Variants in TMEM179 observed in about 807,000 individuals in gnomAD.
TMEM179 encodes transmembrane protein 179.
TMEM179 carries 17 observed loss-of-function variants against 22.2 expected under a neutral mutation model. The ratio of observed to expected loss-of-function variants is 0.77; its 90% CI spans 0.52 to 1.15. The LOEUF is 1.15. Among genes scored for constraint, TMEM179 ranks in the 50% most tolerant of loss-of-function variants. The pLI, the probability that TMEM179 is intolerant of heterozygous loss-of-function variation, is 0.00. For missense variants in TMEM179, 265 were observed against 313.6 expected, an observed-to-expected ratio of 0.84 and a Z score of 1.17; for synonymous variants, 127 against 140.5, an observed-to-expected ratio of 0.90 and a Z score of 0.68.
At chr14:104,603,543 C>CACAGAGGGAGTGGGTGGGT (rs1566747209) in intron 1 of TMEM179, among the ~76,000 whole-genome samples, 22 of 103,646 alleles carry the variant, frequency 2.1e-4, no homozygotes, top group East Asian at 1.9e-3. Flanking sequence ...AGTGGGTGGG[C>CACAGAGGGAGTGGGTGGGT]TCACAGAGGG....
rs1249191625 is a variant in TMEM179, at chr14:104,591,004, A to G, written c.*2475T>C. On this transcript the variant is annotated 3_prime_UTR_variant, in exon 4 of 4. Transcript: ENST00000556573. ...CTCAGGAACCCCGGGTCATGCCTGC[A>G]CTTCCCACCTTCCTGCCTGGGGAGA... The G allele has an allele frequency of 5.0e-6, 1 of 200,420 alleles. No individual in the cohort carries two copies. The highest frequency in any genetic ancestry group is 1.0e-5 in the Non-Finnish European group (1 of 96,882). 12.4% of individuals were successfully genotyped at this position (200,420 alleles called of 1,614,324 possible).
chr14:104,604,597 T>C lies in TMEM179; in HGVS notation c.145A>G (p.Ser49Gly), dbSNP rs2140503067. Reference sequence around the variant, plus strand: ...CGCTCCTGCACCGTGAGGTTGGCGCTCAGCCACATGCCCTCGGTGAAGAGC... The same window carrying C: ...CGCTCCTGCACCGTGAGGTTGGCGCCCAGCCACATGCCCTCGGTGAAGAGC... ...CLLFTEGMWL[S>G]ANLTVQERER... The change falls in exon 1 of 4, where the codon AGC (serine) becomes GGC (glycine). Residue 49 changes from serine (S) to glycine (G), a missense_variant. Ser to Gly is a moderately conservative substitution (Grantham distance 56, BLOSUM62 0). Transcript: ENST00000556573. The surrounding 1 kb of genome is among the most constrained non-coding windows in gnomAD (Gnocchi z 4.6). 6.4e-7 allele frequency: 1 copy of C among 1,554,606 alleles called. No individual in the cohort carries two copies.
Position 104,591,673 on chromosome 14 carries a change from T to C in TMEM179, c.*1806A>G, listed in dbSNP as rs1180799226. On this transcript the variant is annotated 3_prime_UTR_variant, in exon 4 of 4. Coordinates refer to ENST00000556573, the MANE Select transcript of TMEM179 (RefSeq NM_001286389.2). ...ATGATGCCCCCACCAGGACCCTCCA[T>C]GTGGACCCAGGCACGTGGCCTCCAG... 1.9e-5 allele frequency: 6 copies of C among 318,010 alleles called. No homozygotes were observed. Among genetic ancestry groups the C allele is most frequent in the Non-Finnish European group, 3.7e-5 (6 of 162,950 alleles). 19.7% of individuals were successfully genotyped at this position (318,010 alleles called of 1,614,324 possible).
intron 1 of TMEM179, among the ~76,000 whole-genome samples, chr14:104,601,283 G>A (rs1887230128): frequency 6.6e-6 from 1 of 152,192 alleles, no homozygotes; most frequent in Admixed American, 6.5e-5. Flanking sequence ...AGGTATCGGG[G>A]CCAGGTGAGT....
In TMEM179 at chr14:104,593,528, C is replaced by G. The variant is rs757901298; in HGVS notation, c.653G>C (p.Arg218Pro). ...LIHEKELLLA[R>P]PSPRTSFQEE... is the part of the protein sequence containing the mutation. ...TTGGAAGGAGGTGCGTGGGGACGGC[C>G]GGGCCAGCAGCAGCTCCTTCTCGTG... The change falls in exon 4 of 4, where the codon CGG (arginine) becomes CCG (proline). Residue 218 changes from arginine to proline, a missense_variant. By Grantham distance (103) the Arg-to-Pro change is moderately radical. Transcript: ENST00000556573. The G allele has an allele frequency of 3.3e-6, 5 of 1,535,380 alleles. No individual in the cohort carries two copies. The African/African-American group carries it at 5.5e-5, about 17-fold the overall frequency.
chr14:104,593,348 G>A lies in TMEM179; in HGVS notation c.*131C>T, dbSNP rs535347240. ...GGGCGCTCACCTCACTACACGTGGC[G>A]TCGAGGGGACACACGCAGGGCTGCA... On this transcript the variant is annotated 3_prime_UTR_variant, in exon 4 of 4. Transcript: ENST00000556573. 29 of 1,156,650 alleles carry A rather than the reference G, an allele frequency of 2.5e-5. No individual in the cohort carries two copies. The highest frequency in any genetic ancestry group is 1.9e-4 in the Middle Eastern group (1 of 5,156). 71.6% of individuals were successfully genotyped at this position (1,156,650 alleles called of 1,614,324 possible). A position where few individuals can be genotyped will look rare whatever the true frequency, so the allele number is the denominator to read the frequency against.
chr14:104,594,659 C>T (rs993335395), intron 3 of TMEM179: 4 of 1,214,246 alleles, frequency 3.3e-6, no homozygotes, highest in South Asian at 4.3e-5. Context: ...GGGGACGCAG[C>T]TTATACAAGG....
Position 104,604,772 on chromosome 14 carries a change from G to A in TMEM179, c.-31C>T, listed in dbSNP as rs755294631. 2.0e-5 allele frequency: 29 copies of A among 1,433,104 alleles called. No individual in the cohort carries two copies. Among genetic ancestry groups the A allele is most frequent in the Admixed American group, 3.0e-5 (1 of 33,476 alleles). 88.8% of individuals were successfully genotyped at this position (1,433,104 alleles called of 1,614,324 possible). On this transcript the variant is annotated 5_prime_UTR_variant, in exon 1 of 4. Transcript: ENST00000556573. This position sits in a 1 kb window ranked among gnomAD's most constrained non-coding sequence, Gnocchi z 4.6. ...GCCCGGGCGAGAGCGGCGGCGGGAAGGCCGCGGGAGGCTGCGCCGGGCGGG... is the reference window on the plus strand; with the variant it reads ...GCCCGGGCGAGAGCGGCGGCGGGAAAGCCGCGGGAGGCTGCGCCGGGCGGG...
Position 104,604,573 on chromosome 14 carries a change from G to A in TMEM179, c.169C>T (p.Arg57Cys), listed in dbSNP as rs746591379. 4.2e-5 allele frequency: 64 copies of A among 1,533,524 alleles called. No homozygotes were observed. Among genetic ancestry groups the A allele is most frequent in the Non-Finnish European group, 5.2e-6 (6 of 1,144,058 alleles). 95.0% of individuals were successfully genotyped at this position (1,533,524 alleles called of 1,614,324 possible). A position where few individuals can be genotyped will look rare whatever the true frequency, so the allele number is the denominator to read the frequency against. ...CACTCCTGCACCGTGAAGCGCTCGCGCTCCTGCACCGTGAGGTTGGCGCTC... is the reference window on the plus strand; with the variant it reads ...CACTCCTGCACCGTGAAGCGCTCGCACTCCTGCACCGTGAGGTTGGCGCTC... ...WLSANLTVQE[R>C]ERFTVQEWGP... is the part of the protein sequence containing the mutation. Residue 57 changes from arginine (R) to cysteine (C), a missense_variant, in exon 1 of 4, where the codon CGC (arginine) becomes TGC (cysteine). By Grantham distance (180) the Arg-to-Cys change is radical (BLOSUM62 -3). Coordinates refer to ENST00000556573, the MANE Select transcript of TMEM179 (RefSeq NM_001286389.2). The surrounding 1 kb of genome is among the most constrained non-coding windows in gnomAD (Gnocchi z 4.6).
At position 104,595,357 on chromosome 14, in the gene TMEM179, G is replaced by A; in HGVS notation, c.444-114C>T. 3.8e-6 allele frequency: 4 copies of A among 1,047,806 alleles called. No homozygotes were observed. The highest frequency in any genetic ancestry group is 5.6e-6 in the Non-Finnish European group (4 of 717,344). The allele number at this position is 1,047,806 out of a possible 1,614,324, so 64.9% of individuals were successfully genotyped here. ...TTGCCCTACAATTGTTGGGCGAGGG[G>A]GTGGGCAGCAGGGAGTCTCTGGGGA... On this transcript the variant is annotated intron_variant, in intron 2 of 3. Coordinates refer to ENST00000556573, the MANE Select transcript of TMEM179 (RefSeq NM_001286389.2). The surrounding 1 kb of genome is among the most constrained non-coding windows in gnomAD (Gnocchi z 5.7).
At chr14:104,600,002 T>C (rs1303116021) in intron 1 of TMEM179, among the ~76,000 whole-genome samples, 1 of 152,136 alleles carries the variant, frequency 6.6e-6, no homozygotes, top group Non-Finnish European at 1.5e-5. Context: ...CCCTATGAAA[T>C]GGCCCGATTT....
intron 3 of TMEM179, chr14:104,594,889 C>A: frequency 7.7e-7 from 1 of 1,302,308 alleles, no homozygotes; most frequent in Non-Finnish European, 9.8e-7. Context: ...CCCACACCCC[C>A]ACACTTCCCA....
chr14:104,604,423 C>T lies in TMEM179; in HGVS notation c.305+14G>A, dbSNP rs1169391114. Reference sequence around the variant, plus strand: ...CATGGAAGGGGCGCCGCGCCGGGAGCGGCCCCCACTTACCCCTCGTGTCCC... The same window carrying T: ...CATGGAAGGGGCGCCGCGCCGGGAGTGGCCCCCACTTACCCCTCGTGTCCC... On this transcript the variant is annotated intron_variant, in intron 1 of 3. Coordinates refer to ENST00000556573, the MANE Select transcript of TMEM179 (RefSeq NM_001286389.2). The surrounding 1 kb of genome is among the most constrained non-coding windows in gnomAD (Gnocchi z 4.6). The T allele has an allele frequency of 7.9e-6, 12 of 1,515,432 alleles. No individual in the cohort carries two copies. Among genetic ancestry groups the T allele is most frequent in the African/African-American group, 2.9e-5 (2 of 69,634 alleles). 93.9% of individuals were successfully genotyped at this position (1,515,432 alleles called of 1,614,324 possible).
intron 3 of TMEM179, chr14:104,594,213 G>T: frequency 1.6e-6 from 2 of 1,231,872 alleles, no homozygotes; most frequent in Non-Finnish European, 2.0e-6. Flanking sequence ...TAGGCCTGAG[G>T]CCTCTTCCAC....
Position 104,597,755 on chromosome 14 carries a change from T to C in TMEM179, c.306-628A>G, listed in dbSNP as rs1887085791. ...TCCGGAAGTGTGAGCAGTAAATGCC[T>C]GTTGTTTACAAGACCCCAGCCTGTG... On this transcript the variant is annotated intron_variant, in intron 1 of 3. Transcript: ENST00000556573. The surrounding 1 kb of genome is among the most constrained non-coding windows in gnomAD (Gnocchi z 4.8). 6.6e-6 allele frequency among the ~76,000 whole-genome samples: 1 copy of C among 152,158 alleles called. No homozygotes were observed. Among genetic ancestry groups the C allele is most frequent in the Non-Finnish European group, 1.5e-5 (1 of 68,026 alleles).
chr14:104,599,612 CA>C (rs1887171294), intron 1 of TMEM179, among the ~76,000 whole-genome samples: 2 of 152,324 alleles, frequency 1.3e-5, no homozygotes, highest in South Asian at 4.2e-4. Context: ...CCTATAGTCA[CA>C]GAGCGGAACG....
In TMEM179 at chr14:104,591,125, T is replaced by G; in HGVS notation, c.*2354A>C. 3.1e-6 allele frequency: 1 copy of G among 324,126 alleles called. No individual in the cohort carries two copies. Among genetic ancestry groups the G allele is most frequent in the Non-Finnish European group, 6.0e-6 (1 of 165,370 alleles). The allele number at this position is 324,126 out of a possible 1,614,324, so 20.1% of individuals were successfully genotyped here. ...GCCCAGCTGCCCCTTCCCAGGGCGA[T>G]GTGTCTGGGCTCCGGAGACAGCCCA... On this transcript the variant is annotated 3_prime_UTR_variant, in exon 4 of 4. Transcript: ENST00000556573.
Position 104,597,025 on chromosome 14 carries a change from G to T in TMEM179, c.408C>A (p.Cys136Ter), listed in dbSNP as rs200115105. Residue 136 changes from cysteine (C) to a stop codon, truncating the protein, a stop_gained, in exon 2 of 4, where the codon TGC becomes TGA. Coordinates refer to ENST00000556573, the MANE Select transcript of TMEM179 (RefSeq NM_001286389.2). LOFTEE classifies it high-confidence loss of function. This position sits in a 1 kb window ranked among gnomAD's most constrained non-coding sequence, Gnocchi z 4.8. ...TIVSVGFTMWCDTITEKGTVP... is the reference protein window; with the variant it reads ...TIVSVGFTMW ...CGGTGCCCTTCTCGGTGATGGTGTC[G>T]CACCACATGGTGAAGCCCACGCTCA... 1.9e-6 allele frequency: 3 copies of T among 1,609,568 alleles called. No individual in the cohort carries two copies. The highest frequency in any genetic ancestry group is 2.2e-5 in the South Asian group (2 of 90,402).
Position 104,593,134 on chromosome 14 carries a change from T to G in TMEM179, c.*345A>C. 1 of 358,808 alleles carries G rather than the reference T, an allele frequency of 2.8e-6. No individual in the cohort carries two copies. The highest frequency in any genetic ancestry group is 5.1e-6 in the Non-Finnish European group (1 of 195,842). The allele number at this position is 358,808 out of a possible 1,614,324, so 22.2% of individuals were successfully genotyped here. A position where few individuals can be genotyped will look rare whatever the true frequency, so the allele number is the denominator to read the frequency against. On this transcript the variant is annotated 3_prime_UTR_variant, in exon 4 of 4. Coordinates refer to ENST00000556573, the MANE Select transcript of TMEM179 (RefSeq NM_001286389.2). The stretch of plus-strand genomic sequence containing the variant: ...GCATGGAGACAGCATCCGGCCAGGG[T>G]TGGGGGAGACAAGCTGGACGCCCTC...
Sources: allele counts gnomAD v4.1 joint callset (sites outside exome capture counted in the v4.1 genomes callset), GRCh38; gene constraint gnomAD v4.1.1; non-coding constraint Gnocchi (gnomAD v3.1); transcripts MANE v1.5; gene names NCBI Gene and HGNC (gene_info 2026-07-23, HGNC 2026-07-21).